ARHGAP27: variants seen among roughly 807,000 people sequenced by gnomAD.
ARHGAP27 encodes Rho GTPase activating protein 27.
In ARHGAP27, 53 loss-of-function variants were observed where a neutral mutation model predicts 102.0. That is an observed-to-expected ratio of 0.52 (90% CI 0.42 to 0.65). The LOEUF (loss-of-function observed/expected upper bound fraction) is 0.65. Ranked by LOEUF, ARHGAP27 falls within the 30% of genes least tolerant of loss-of-function variation. ARHGAP27 has a pLI of 0.00. For synonymous variants in ARHGAP27, 525 were observed against 542.8 expected (o/e 0.97, Z 0.46); for missense variants, 1,117 against 1,256.2 (o/e 0.89, Z 1.68).
chr17:45,399,591 CAAAGAAAAGAAAAGA>C (rs60195760), intron 12 of ARHGAP27, among the ~76,000 whole-genome samples: 2 of 141,128 alleles, frequency 1.4e-5, no homozygotes, highest in Non-Finnish European at 3.0e-5. Flanking sequence ...CACTCTGTCT[CAAAGAAAAGAAAAGA>C]AAAGAAAAGA....
rs2045412511 is a variant in ARHGAP27, at chr17:45,394,935, G to A, written c.*521C>T. On this transcript the variant is annotated 3_prime_UTR_variant, in exon 20 of 20. Transcript: ENST00000685559. ...GGAGGTCATCCCTGAGGCCTGAGGAGGATAGCTTCAGCAGCCCACACTGAA... is the reference window on the plus strand; with the variant it reads ...GGAGGTCATCCCTGAGGCCTGAGGAAGATAGCTTCAGCAGCCCACACTGAA... 6.5e-6 allele frequency: 1 copy of A among 154,256 alleles called. No individual in the cohort carries two copies. The highest frequency in any genetic ancestry group is 2.4e-5 in the African/African-American group (1 of 41,460). 9.6% of individuals were successfully genotyped at this position (154,256 alleles called of 1,614,324 possible).
chr17:45,420,192 G>A (rs1425573500), intron 4 of ARHGAP27, among the ~76,000 whole-genome samples: 2 of 152,208 alleles, frequency 1.3e-5, no homozygotes, highest in Admixed American at 1.3e-4. Context: ...CTGTCAACAG[G>A]AGACTGGTAA....
Position 45,398,989 on chromosome 17 carries a change from C to T in ARHGAP27, c.1744-942G>A, listed in dbSNP as rs71373558. ...CACATCTTCTGTTAGCCCGCTTCATCATGAAGCATAAATTAAACAGAACAC... is the reference window on the plus strand; with the variant it reads ...CACATCTTCTGTTAGCCCGCTTCATTATGAAGCATAAATTAAACAGAACAC... On this transcript the variant is annotated intron_variant, in intron 12 of 19. Coordinates refer to ENST00000685559, the MANE Select transcript of ARHGAP27 (RefSeq NM_001282290.2). 4.6e-3 allele frequency among the ~76,000 whole-genome samples: 704 copies of T among 152,228 alleles called. 6 individuals are homozygous for T. The highest frequency in any genetic ancestry group is 0.016 in the African/African-American group (668 of 41,530).
chr17:45,404,964 T>C lies in ARHGAP27; in HGVS notation c.1208A>G (p.Asp403Gly). 6.2e-7 allele frequency: 1 copy of C among 1,613,962 alleles called. No individual in the cohort carries two copies. Among genetic ancestry groups the C allele is most frequent in the Non-Finnish European group, 8.5e-7 (1 of 1,179,960 alleles). ...GTGGTTGGTGTAGAGCATCTGCTTG[T>C]CCTGGCTGACATGACAAGACCAGCC... ...PPGWSCHVSQ[D>G]KQMLYTNHFT... is the part of the protein sequence containing the mutation. Residue 403 changes from aspartate (D) to glycine (G), a missense_variant, in exon 6 of 20, where the codon GAC becomes GGC. Asp to Gly is a moderately conservative substitution (Grantham distance 94, BLOSUM62 -1). This residue lies in a region of ARHGAP27 where 610 missense variants were observed against 716.4 expected (regional missense o/e 0.85). Transcript: ENST00000685559.
Position 45,429,793 on chromosome 17 carries a change from C to T in ARHGAP27, c.487G>A (p.Ala163Thr). 2 of 1,518,260 alleles carry T rather than the reference C, an allele frequency of 1.3e-6. No individual in the cohort carries two copies. Among genetic ancestry groups the T allele is most frequent in the Non-Finnish European group, 1.8e-6 (2 of 1,137,398 alleles). The allele number at this position is 1,518,260 out of a possible 1,614,324, so 94.0% of individuals were successfully genotyped here. The change falls in exon 4 of 20, where the codon GCC becomes ACC. Residue 163 changes from alanine (A) to threonine (T), a missense_variant. By Grantham distance (58) the Ala-to-Thr change is moderately conservative (BLOSUM62 0). Around this residue, in one of 3 missense-constraint regions of ARHGAP27, gnomAD observed 610 missense variants for 716.4 expected, o/e 0.85. Transcript: ENST00000685559. The part of the protein sequence containing the change: ...PAQSLNDLAC[A>T]AVSPPAGLLG... ...AGGCCGGCGGGAGGCGAGACGGCGG[C>T]GCAGGCCAGGTCGTTCAGGGACTGC...
chr17:45,404,158 T>G, intron 9 of ARHGAP27, 62 bp from the exon 10 acceptor site: 4 of 1,607,946 alleles, frequency 2.5e-6, no homozygotes, highest in Non-Finnish European at 3.4e-6. Context: ...CTATGGGGAG[T>G]AGAGGCTGGT....
In ARHGAP27 at chr17:45,399,055, C is replaced by G. The variant is rs114276531; in HGVS notation, c.1744-1008G>C. On this transcript the variant is annotated intron_variant, in intron 12 of 19. Transcript: ENST00000685559. ...CACCATAGGACTGACGCTCAAAGCC[C>G]TTTCTGAGTTGGATGGCAGCTTAGT... 2.6e-3 allele frequency among the ~76,000 whole-genome samples: 402 copies of G among 152,316 alleles called. 4 individuals carry two copies. The highest frequency in any genetic ancestry group is 9.2e-3 in the African/African-American group (382 of 41,574).
At position 45,396,549 on chromosome 17, in the gene ARHGAP27, T is replaced by A; in HGVS notation, c.2111A>T (p.Glu704Val). Residue 704 changes from glutamate (E) to valine (V), a missense_variant, in exon 16 of 20, where the codon GAG becomes GTG. Glu to Val is a moderately radical substitution (Grantham distance 121). Coordinates refer to ENST00000685559, the MANE Select transcript of ARHGAP27 (RefSeq NM_001282290.2). The stretch of plus-strand genomic sequence containing the variant: ...GCGTGGCACCCGGCTCCTCTCGCGC[T>A]CACACAGCGCGGCCAGCGCGCAGCC... ...VFGCALAALC[E>V]RERSRVPRFV... 1 of 1,597,700 alleles carries A rather than the reference T, an allele frequency of 6.3e-7. No homozygotes were observed. The highest frequency in any genetic ancestry group is 2.2e-5 in the East Asian group (1 of 44,570).
At chr17:45,397,193 C>T in intron 13 of ARHGAP27, 169 bp from the exon 14 acceptor site, 1 of 1,435,256 alleles carries the variant, frequency 7.0e-7, no homozygotes, top group Non-Finnish European at 9.1e-7. Context: ...CACCAGTGAG[C>T]CTGAGAACAT....
In ARHGAP27 at chr17:45,395,352, G is replaced by A. The variant is rs2144091543; in HGVS notation, c.*104C>T. On this transcript the variant is annotated 3_prime_UTR_variant, in exon 20 of 20. Transcript: ENST00000685559. ...AGAAGTCACACCGGCCTGCGGCTAT[G>A]CGCTGGCGGAGGGTCCCAGAGAGAA... 1 of 1,371,628 alleles carries A rather than the reference G, an allele frequency of 7.3e-7. No individual in the cohort carries two copies. Among genetic ancestry groups the A allele is most frequent in the Non-Finnish European group, 9.8e-7 (1 of 1,025,568 alleles). The allele number at this position is 1,371,628 out of a possible 1,614,324, so 85.0% of individuals were successfully genotyped here. A position where few individuals can be genotyped will look rare whatever the true frequency, so the allele number is the denominator to read the frequency against.
intron 11 of ARHGAP27, among the ~76,000 whole-genome samples, chr17:45,403,086 G>A (rs1376433235): frequency 6.6e-6 from 1 of 152,220 alleles, no homozygotes; most frequent in African/African-American, 2.4e-5. Context: ...CCCACCCCCA[G>A]CCTCCCTGCC....
intron 4 of ARHGAP27, among the ~76,000 whole-genome samples, chr17:45,413,979 G>A (rs906032276): frequency 1.1e-4 from 17 of 152,066 alleles, no homozygotes; most frequent in African/African-American, 3.6e-4. Flanking sequence ...GGTGGCGTGC[G>A]CCTGTAATTC....
chr17:45,403,671 C>T lies in ARHGAP27; in HGVS notation c.1586G>A (p.Gly529Asp), dbSNP rs2046749712. ...GTCCTTGAAGAATGTCAGGACGCCA[C>T]CCTCCAGCACAGTCCAGGAGGCACT... is the stretch of plus-strand genomic sequence containing the variant. The part of the protein sequence containing the change: ...HWSASWTVLE[G>D]GVLTFFKDSK... Residue 529 changes from glycine to aspartate, a missense_variant, in exon 11 of 20, where the codon GGT (glycine) becomes GAT (aspartate). Transcript: ENST00000685559. The T allele has an allele frequency of 1.9e-6, 3 of 1,613,988 alleles. No individual in the cohort carries two copies. The highest frequency in any genetic ancestry group is 1.3e-5 in the African/African-American group (1 of 75,052).
chr17:45,404,894 TG>T (rs766014101), intron 6 of ARHGAP27, 29 bp downstream of exon 6: 2 of 1,613,922 alleles, frequency 1.2e-6, no homozygotes, highest in African/African-American at 2.7e-5. Context: ...ACTCTGAGGC[TG>T]TCCGGGTCCA....
intron 12 of ARHGAP27, among the ~76,000 whole-genome samples, chr17:45,398,506 C>T (rs1282394699): frequency 5.9e-5 from 9 of 152,028 alleles, no homozygotes; most frequent in African/African-American, 2.2e-4. Context: ...GAGGCCGAGG[C>T]GGGCAGATCA....
At chr17:45,414,902 C>CAAAA (rs35471470) in intron 4 of ARHGAP27, among the ~76,000 whole-genome samples, 8 of 92,934 alleles carry the variant, frequency 8.6e-5, no homozygotes, top group African/African-American at 3.1e-4. Flanking sequence ...CTAAAAATAC[C>CAAAA]AAAAAAAAAA....
In ARHGAP27 at chr17:45,430,358, C is replaced by A. The variant is rs1012177955; in HGVS notation, c.-18-61G>T. On this transcript the variant is annotated intron_variant, in intron 3 of 19. Transcript: ENST00000685559. This position sits in a 1 kb window ranked among gnomAD's most constrained non-coding sequence, Gnocchi z 4.4. The stretch of plus-strand genomic sequence containing the variant: ...GACCACCGAGCCTGGAATAGCCCCG[C>A]ACTCGGGGACAGACTTGGGTTCGAG... 2.0e-6 allele frequency: 3 copies of A among 1,490,966 alleles called. No homozygotes were observed. In the African/African-American group the frequency reaches 4.3e-5, roughly 21 times the overall value. The allele number at this position is 1,490,966 out of a possible 1,614,324, so 92.4% of individuals were successfully genotyped here.
In ARHGAP27 at chr17:45,432,589, C is replaced by G. The variant is rs367740907; in HGVS notation, c.-285+163G>C. ...GGATGCGGCCCGCGCAGCTCCCGCC[C>G]CAGCGCGGAGACAAGGGGAGCAGGC... On this transcript the variant is annotated intron_variant, in intron 1 of 19. Transcript: ENST00000685559. Among the ~76,000 whole-genome samples the G allele has an allele frequency of 1.4e-3, 212 of 152,244 alleles. 3 individuals carry two copies. The East Asian group carries it at 0.037, about 26-fold the overall frequency.
intron 4 of ARHGAP27, chr17:45,409,138 GC>G (rs1200607856): frequency 6.6e-6 from 1 of 152,498 alleles, no homozygotes; most frequent in East Asian, 1.9e-4. Flanking sequence ...GATGGAAGCA[GC>G]GGGGAGAGGA....
Sources: allele counts gnomAD v4.1 joint callset (sites outside exome capture counted in the v4.1 genomes callset), GRCh38; gene constraint gnomAD v4.1.1; regional missense constraint gnomAD v4.1.1; non-coding constraint Gnocchi (gnomAD v3.1); transcripts MANE v1.5; gene names NCBI Gene and HGNC (gene_info 2026-07-23, HGNC 2026-07-21).